KCNK12: variants seen among roughly 807,000 people sequenced by gnomAD.
KCNK12 encodes the protein potassium two pore domain channel subfamily K member 12, also known as potassium channel subfamily K member 12.
A neutral mutation model predicts 25.3 loss-of-function variants in KCNK12; 6 were observed. The ratio of observed to expected loss-of-function variants is 0.24; its 90% confidence interval spans 0.13 to 0.47. KCNK12 has a LOEUF of 0.47. Ranked by LOEUF, KCNK12 falls within the 20% of genes least tolerant of loss-of-function variation. KCNK12 has a pLI of 0.99. For synonymous variants in KCNK12, 331 were observed against 311.1 expected (o/e 1.06, Z -0.67); for missense variants, 444 against 661.7 (o/e 0.67, Z 3.61).
Position 47,529,490 on chromosome 2 carries a change from C to T in KCNK12, c.392-7682G>A, listed in dbSNP as rs972072317. ...TATTTTGATTTAAATTTCCATTGAC[C>T]TAAAATTTTTGTGGTGGGCACTGCA... On this transcript the variant is annotated intron_variant, in intron 1 of 1. Coordinates refer to ENST00000327876, the MANE Select transcript of KCNK12 (RefSeq NM_022055.2). The surrounding 1 kb of genome is among the most constrained non-coding windows in gnomAD (Gnocchi z 4.3). 2.6e-5 allele frequency among the ~76,000 whole-genome samples: 4 copies of T among 152,112 alleles called. No homozygotes were observed. Among genetic ancestry groups the T allele is most frequent in the African/African-American group, 9.7e-5 (4 of 41,408 alleles).
chr2:47,535,316 G>A (rs1209726840), intron 1 of KCNK12: 1 of 232,964 alleles, frequency 4.3e-6, no homozygotes, highest in Non-Finnish European at 8.5e-6. Context: ...TGGTAAAGGG[G>A]CTGCCCACAG....
intron 1 of KCNK12, among the ~76,000 whole-genome samples, chr2:47,523,579 T>C (rs1428036078): frequency 1.8e-4 from 27 of 152,270 alleles, no homozygotes. Flanking sequence ...TGCCTGCCAG[T>C]GTGCTCGCCC....
intron 1 of KCNK12, chr2:47,564,147 C>G (rs1669743273): frequency 4.3e-6 from 1 of 231,534 alleles, no homozygotes; most frequent in Non-Finnish European, 8.5e-6. Flanking sequence ...GAACTGAGTG[C>G]AGTCCTGGAG....
rs148695873 is a variant in KCNK12 at position 47,557,989 on chromosome 2, C to A, written c.391+11952G>T. Among the ~76,000 whole-genome samples the A allele has an allele frequency of 2.9e-3, 449 of 152,298 alleles. 2 individuals carry two copies. The highest frequency in any genetic ancestry group is 0.01 in the Middle Eastern group (3 of 294). ...CTTACAGGAGCTTTGGAATGAATCC[C>A]TTTGAGAAGCAAAGCCTTCTTTTAC... On this transcript the variant is annotated intron_variant, in intron 1 of 1. Transcript: ENST00000327876. This position sits in a 1 kb window ranked among gnomAD's most constrained non-coding sequence, Gnocchi z 4.9.
At position 47,565,755 on chromosome 2, in the gene KCNK12, T is replaced by G. The variant is rs1235475452; in HGVS notation, c.391+4186A>C. 1 of 152,232 alleles carries G rather than the reference T, an allele frequency of 6.6e-6. No homozygotes were observed. The highest frequency in any genetic ancestry group is 1.5e-5 in the Non-Finnish European group (1 of 68,040). The allele number at this position is 152,232 out of a possible 1,614,324, so 9.4% of individuals were successfully genotyped here. On this transcript the variant is annotated intron_variant, in intron 1 of 1. Coordinates refer to ENST00000327876, the MANE Select transcript of KCNK12 (RefSeq NM_022055.2). The surrounding 1 kb of genome is among the most constrained non-coding windows in gnomAD (Gnocchi z 5.0). ...AGTGATGGGTTAATTCTGTTTGGAT[T>G]GTTTGGAATATCTCTGAGCTGGAAT...
intron 1 of KCNK12, among the ~76,000 whole-genome samples, chr2:47,522,073 C>G (rs1668670806): frequency 3.3e-5 from 5 of 152,208 alleles, no homozygotes; most frequent in Admixed American, 3.3e-4. Context: ...GTGGTTGGGA[C>G]AGGTAGTCAC....
chr2:47,516,984 T>G lies in KCNK12; in HGVS notation c.*3923A>C, dbSNP rs1366281052. On this transcript the variant is annotated 3_prime_UTR_variant, in exon 2 of 2. Transcript: ENST00000327876. ...GCCCTCCCTCCCTCCCTCTCCACCC[T>G]ACAAAGTGAGGAGCCTTGAGTCACC... 7.0e-6 allele frequency: 1 copy of G among 142,964 alleles called. No individual in the cohort carries two copies. Among genetic ancestry groups the G allele is most frequent in the East Asian group, 2.4e-4 (1 of 4,188 alleles). 8.9% of individuals were successfully genotyped at this position (142,964 alleles called of 1,614,324 possible).
At position 47,528,781 on chromosome 2, in the gene KCNK12, A is replaced by T. The variant is rs922000996; in HGVS notation, c.392-6973T>A. Among the ~76,000 whole-genome samples, 1 of 152,224 alleles carries T rather than the reference A, an allele frequency of 6.6e-6. No individual in the cohort carries two copies. Among genetic ancestry groups the T allele is most frequent in the Admixed American group, 6.5e-5 (1 of 15,288 alleles). ...ACAGCCTGTCTGGTGCCGCCTTCGC[A>T]AATGGGGCCCTGGTGATGGGGCCTT... On this transcript the variant is annotated intron_variant, in intron 1 of 1. Transcript: ENST00000327876. This position sits in a 1 kb window ranked among gnomAD's most constrained non-coding sequence, Gnocchi z 4.5.
At chr2:47,568,392 T>G (rs1482387048) in intron 1 of KCNK12, among the ~76,000 whole-genome samples, 1 of 152,186 alleles carries the variant, frequency 6.6e-6, no homozygotes, top group African/African-American at 2.4e-5. Flanking sequence ...TTATATCTTC[T>G]ATCACCATAA....
chr2:47,552,230 TC>T (rs1669451282), intron 1 of KCNK12, among the ~76,000 whole-genome samples: 1 of 152,152 alleles, frequency 6.6e-6, no homozygotes. Flanking sequence ...CACACCAACC[TC>T]TGCTGCACCC....
rs1668366278 is a variant in KCNK12, at chr2:47,510,185, G to C, written c.*10722C>G. ...TAGTAACATGGATGTGAGCCTTGGAGGGGTAGCTACCATCTGGCACCTGGG... is the reference window on the plus strand; with the variant it reads ...TAGTAACATGGATGTGAGCCTTGGACGGGTAGCTACCATCTGGCACCTGGG... On this transcript the variant is annotated 3_prime_UTR_variant, in exon 2 of 2. Transcript: ENST00000327876. The C allele has an allele frequency of 6.6e-6, 1 of 152,176 alleles. No individual in the cohort carries two copies. Among genetic ancestry groups the C allele is most frequent in the Non-Finnish European group, 1.5e-5 (1 of 68,050 alleles). The allele number at this position is 152,176 out of a possible 1,614,324, so 9.4% of individuals were successfully genotyped here. A position where few individuals can be genotyped will look rare whatever the true frequency, so the allele number is the denominator to read the frequency against.
intron 1 of KCNK12, among the ~76,000 whole-genome samples, chr2:47,559,196 T>C (rs191809580): frequency 2.6e-5 from 4 of 152,296 alleles, no homozygotes; most frequent in African/African-American, 4.8e-5. Context: ...CAGAGAGCCA[T>C]GGAAACGCAC....
intron 1 of KCNK12, among the ~76,000 whole-genome samples, chr2:47,552,764 G>T (rs980952841): frequency 1.4e-4 from 20 of 147,780 alleles, no homozygotes; most frequent in Admixed American, 1.3e-3. Context: ...TGAGACTCTG[G>T]CTCCAAAAAA....
chr2:47,524,932 A>G (rs1250703159), intron 1 of KCNK12, among the ~76,000 whole-genome samples: 2 of 152,168 alleles, frequency 1.3e-5, no homozygotes, highest in African/African-American at 4.8e-5. Context: ...TATACAGAAC[A>G]CTGCATCTAC....
intron 1 of KCNK12, chr2:47,543,253 C>G (rs544333694): frequency 5.9e-5 from 9 of 152,046 alleles, no homozygotes; most frequent in Middle Eastern, 3.4e-3. Context: ...AGCACAGACA[C>G]CTACATTTTT....
chr2:47,559,098 G>A (rs956376638), intron 1 of KCNK12, among the ~76,000 whole-genome samples: 1 of 152,210 alleles, frequency 6.6e-6, no homozygotes, highest in Non-Finnish European at 1.5e-5. Flanking sequence ...TTTTCCTACT[G>A]CTTTCTGAGG....
At chr2:47,527,512 T>G (rs1033766464) in intron 1 of KCNK12, 1 of 152,534 alleles carries the variant, frequency 6.6e-6, no homozygotes, top group Non-Finnish European at 1.5e-5. Context: ...GCTGGGGTAC[T>G]CATTGGCCTC....
At position 47,562,429 on chromosome 2, in the gene KCNK12, GCA is replaced by G. The variant is rs1669692791; in HGVS notation, c.391+7510_391+7511del. 3.5e-6 allele frequency: 1 copy of G among 287,174 alleles called. No individual in the cohort carries two copies. Among genetic ancestry groups the G allele is most frequent in the Non-Finnish European group, 6.5e-6 (1 of 154,626 alleles). The allele number at this position is 287,174 out of a possible 1,614,324, so 17.8% of individuals were successfully genotyped here. A position where few individuals can be genotyped will look rare whatever the true frequency, so the allele number is the denominator to read the frequency against. ...GGGCTCAATTTTTCTAAGGGCCCAG[GCA>G]CACCAGTTACCACTGACCTGCTAGT... On this transcript the variant is annotated intron_variant, in intron 1 of 1. Coordinates refer to ENST00000327876, the MANE Select transcript of KCNK12 (RefSeq NM_022055.2). The surrounding 1 kb of genome is among the most constrained non-coding windows in gnomAD (Gnocchi z 4.8).
chr2:47,523,196 C>G (rs759331182), intron 1 of KCNK12, among the ~76,000 whole-genome samples: 2 of 152,208 alleles, frequency 1.3e-5, no homozygotes, highest in African/African-American at 4.8e-5. Flanking sequence ...TGGGATTGTT[C>G]ACTCTGGGAC....
Sources: gnomAD v4.1 joint callset for allele counts (sites outside exome capture counted in the v4.1 genomes callset) on GRCh38, gnomAD v4.1.1 for gene constraint, Gnocchi (gnomAD v3.1) non-coding constraint, MANE v1.5 for transcripts, NCBI Gene and HGNC (gene_info 2026-07-23, HGNC 2026-07-21) for gene names.